NALF1: variants seen among roughly 807,000 people sequenced by gnomAD.
NALF1 encodes family with sequence similarity 155 member A.
Under a neutral mutation model 48.4 loss-of-function variants are expected in NALF1, and 3 were observed. The observed-to-expected ratio is 0.06, with a 90% CI of 0.03 to 0.16. The LOEUF (loss-of-function observed/expected upper bound fraction) is 0.16. Ranked by LOEUF, NALF1 falls within the 10% of genes least tolerant of loss-of-function variation. The pLI is 1.00. For missense variants in NALF1, 526 were observed against 571.5 expected (o/e 0.92, Z 0.81); for synonymous variants, 262 against 245.7 (o/e 1.07, Z -0.62).
At chr13:107,214,349 G>C (rs1022686156) in intron 1 of NALF1, among the ~76,000 whole-genome samples, 3 of 152,194 alleles carry the variant, frequency 2.0e-5, no homozygotes, top group African/African-American at 7.2e-5. Context: ...AAGAACTATG[G>C]AGTACAAAGA....
rs200761498 is a variant in NALF1 at position 107,224,017 on chromosome 13, GATTA to G, written c.916-13266_916-13263del. ...ATAATCATAACATTATTGTTTAATT[GATTA>G]ATTAATTAATTATTGATTATCAGTT... On this transcript the variant is annotated intron_variant, in intron 1 of 2. Transcript: ENST00000375915. 5.9e-3 allele frequency among the ~76,000 whole-genome samples: 902 copies of G among 151,850 alleles called. 14 individuals carry two copies. Among genetic ancestry groups the G allele is most frequent in the African/African-American group, 0.02 (812 of 41,416 alleles).
At chr13:107,707,143 C>T (rs1480583248) in intron 1 of NALF1, among the ~76,000 whole-genome samples, 1 of 151,494 alleles carries the variant, frequency 6.6e-6, no homozygotes, top group Non-Finnish European at 1.5e-5. Flanking sequence ...GGGATGGTCT[C>T]GATCTCCTGA....
intron 1 of NALF1, among the ~76,000 whole-genome samples, chr13:107,639,329 C>A (rs1445473271): frequency 1.6e-4 from 24 of 152,044 alleles, no homozygotes; most frequent in African/African-American, 5.8e-4. Context: ...TCAAACGCAT[C>A]TCTCAACAAA....
chr13:107,629,829 T>C (rs1004606661), intron 1 of NALF1, among the ~76,000 whole-genome samples: 2 of 152,210 alleles, frequency 1.3e-5, no homozygotes, highest in African/African-American at 4.8e-5. Flanking sequence ...TATATGTATG[T>C]GTATGTATTC....
At chr13:107,730,448 T>A (rs556874579) in intron 1 of NALF1, among the ~76,000 whole-genome samples, 2 of 152,234 alleles carry the variant, frequency 1.3e-5, no homozygotes, top group Non-Finnish European at 2.9e-5. Context: ...AAGCACAATG[T>A]AAATTAAACT....
chr13:107,524,105 T>C (rs1876347645), intron 1 of NALF1, among the ~76,000 whole-genome samples: 1 of 152,118 alleles, frequency 6.6e-6, no homozygotes, highest in African/African-American at 2.4e-5. Flanking sequence ...AACAGTGCTA[T>C]TATGGGGTCA....
At chr13:107,176,702 T>C (rs1187392148) in intron 2 of NALF1, among the ~76,000 whole-genome samples, 1 of 151,870 alleles carries the variant, frequency 6.6e-6, no homozygotes, top group Non-Finnish European at 1.5e-5. Flanking sequence ...GCATGGCAGG[T>C]AAGAAAATCT....
intron 1 of NALF1, among the ~76,000 whole-genome samples, chr13:107,530,579 T>C (rs1404948750): frequency 1.3e-5 from 2 of 152,160 alleles, no homozygotes; most frequent in Admixed American, 6.6e-5. Context: ...AACATGTGGA[T>C]GTATGCAGAA....
At chr13:107,664,519 G>A (rs144728932) in intron 1 of NALF1, among the ~76,000 whole-genome samples, 5 of 152,144 alleles carry the variant, frequency 3.3e-5, no homozygotes, top group South Asian at 4.2e-4. Flanking sequence ...CTATGGTGAC[G>A]CCCTCTAAGG....
intron 1 of NALF1, among the ~76,000 whole-genome samples, chr13:107,474,892 T>C (rs569914732): frequency 9.2e-5 from 14 of 152,328 alleles, no homozygotes; most frequent in South Asian, 8.3e-4. Context: ...ATTGGTCATA[T>C]GCTTTCCTTC....
chr13:107,530,029 A>G (rs771277389), intron 1 of NALF1, among the ~76,000 whole-genome samples: 5 of 152,110 alleles, frequency 3.3e-5, no homozygotes, highest in Non-Finnish European at 7.4e-5. Context: ...AGGGTTCTAT[A>G]GCTAACTCAT....
chr13:107,185,071 G>A (rs75674346), intron 2 of NALF1, among the ~76,000 whole-genome samples: 9 of 152,098 alleles, frequency 5.9e-5, no homozygotes, highest in South Asian at 2.1e-4. Flanking sequence ...AGAGAAGGCC[G>A]TGTGACAGCA....
intron 1 of NALF1, among the ~76,000 whole-genome samples, chr13:107,754,008 T>C (rs905958728): frequency 6.6e-6 from 1 of 152,148 alleles, no homozygotes; most frequent in Non-Finnish European, 1.5e-5. Flanking sequence ...AGAGGTCACA[T>C]AGAAGAATGC....
chr13:107,172,381 G>A (rs778040158), intron 2 of NALF1, among the ~76,000 whole-genome samples: 2 of 152,140 alleles, frequency 1.3e-5, no homozygotes, highest in African/African-American at 2.4e-5. Flanking sequence ...GTAGCAGAAT[G>A]CCTGAGCAGA....
Position 107,254,070 on chromosome 13 carries a change from T to C in NALF1, c.916-43315A>G, listed in dbSNP as rs1047156729. Among the ~76,000 whole-genome samples, 71 of 129,104 alleles carry C rather than the reference T, an allele frequency of 5.5e-4. 2 individuals carry two copies. Among genetic ancestry groups the C allele is most frequent in the African/African-American group, 2.0e-3 (67 of 33,528 alleles). The allele number at this position is 129,104 out of a possible 152,430, so 84.7% of individuals were successfully genotyped here. A position where few individuals can be genotyped will look rare whatever the true frequency, so the allele number is the denominator to read the frequency against. On this transcript the variant is annotated intron_variant, in intron 1 of 2. Coordinates refer to ENST00000375915, the MANE Select transcript of NALF1 (RefSeq NM_001080396.3). Reference sequence around the variant, plus strand: ...AAGGGAGCAAGTACTAAAATATATATATATATATTAAGCACACAGGAGCTT... The same window carrying C: ...AAGGGAGCAAGTACTAAAATATATACATATATATTAAGCACACAGGAGCTT...
intron 1 of NALF1, among the ~76,000 whole-genome samples, chr13:107,464,634 C>CCT: frequency 6.6e-6 from 1 of 152,254 alleles, no homozygotes; most frequent in Admixed American, 6.5e-5. Flanking sequence ...AATTCTCCTG[C>CCT]CTCAGCCTCC....
intron 1 of NALF1, among the ~76,000 whole-genome samples, chr13:107,552,902 T>A (rs1211598762): frequency 6.6e-6 from 1 of 152,060 alleles, no homozygotes. Flanking sequence ...GTGCACAATA[T>A]TAAATAGAGC....
chr13:107,670,710 G>A lies in NALF1; in HGVS notation c.915+194972C>T, dbSNP rs946952180. ...AACCACTGATGGTATTCCTTGTTAC[G>A]GTCTGAGGAGCATTTATGGCACAGT... is the stretch of plus-strand genomic sequence containing the variant. On this transcript the variant is annotated intron_variant, in intron 1 of 2. Coordinates refer to ENST00000375915, the MANE Select transcript of NALF1 (RefSeq NM_001080396.3). Among the ~76,000 whole-genome samples the A allele has an allele frequency of 1.5e-4, 23 of 152,026 alleles. 1 individual carries two copies. The East Asian group carries it at 1.7e-3, about 11-fold the overall frequency.
intron 1 of NALF1, among the ~76,000 whole-genome samples, chr13:107,335,436 C>T (rs1015935250): frequency 1.3e-5 from 2 of 152,160 alleles, no homozygotes; most frequent in Non-Finnish European, 2.9e-5. Context: ...TTCACAGGTG[C>T]CAGAGAAAGC....
Sources: gnomAD v4.1 joint callset for allele counts (sites outside exome capture counted in the v4.1 genomes callset) on GRCh38, gnomAD v4.1.1 for gene constraint, MANE v1.5 for transcripts, NCBI Gene and HGNC (gene_info 2026-07-23, HGNC 2026-07-21) for gene names.